NWD1: variants seen among roughly 807,000 people sequenced by gnomAD.
The protein encoded by NWD1 is NACHT domain- and WD repeat-containing protein 1.
In NWD1, 129 loss-of-function variants were observed where a neutral mutation model predicts 135.1. The observed-to-expected ratio is 0.96, with a 90% CI of 0.83 to 1.11. The LOEUF (loss-of-function observed/expected upper bound fraction) is 1.11. Among genes scored for constraint, NWD1 ranks in the 50% least tolerant of loss-of-function variants. The pLI is 0.00. For synonymous variants in NWD1, 773 were observed against 786.0 expected, an observed-to-expected ratio of 0.98 and a Z score of 0.28; for missense variants, 1,740 against 1,851.3, an observed-to-expected ratio of 0.94 and a Z score of 1.10.
At chr19:16,769,161 C>T (rs1969327742) in intron 10 of NWD1, among the ~76,000 whole-genome samples, 1 of 151,900 alleles carries the variant, frequency 6.6e-6, no homozygotes. Context: ...GGGAAAATTG[C>T]CTTATAAAAC....
intron 11 of NWD1, among the ~76,000 whole-genome samples, chr19:16,776,224 T>A (rs1045325436): frequency 6.6e-6 from 1 of 152,100 alleles, no homozygotes; most frequent in Non-Finnish European, 1.5e-5. Context: ...TCTAGTTCTG[T>A]TAAAGTTGAG....
intron 7 of NWD1, among the ~76,000 whole-genome samples, chr19:16,759,694 T>G (rs182057655): frequency 2.1e-3 from 315 of 152,178 alleles, no homozygotes; most frequent in African/African-American, 6.7e-3. Context: ...CTGGGCAACG[T>G]AGCGAGGCCC....
chr19:16,766,811 C>G (rs1181824663), intron 10 of NWD1, among the ~76,000 whole-genome samples: 2 of 152,094 alleles, frequency 1.3e-5, no homozygotes, highest in Middle Eastern at 3.2e-3. Context: ...GTCTTGAACT[C>G]CTGGACTCAA....
At chr19:16,732,654 C>CAAAAAAAAAAAAAAAAAAAAAAAA (rs759471981) in intron 3 of NWD1, among the ~76,000 whole-genome samples, 1 of 30,310 alleles carries the variant, frequency 3.3e-5, no homozygotes, top group Non-Finnish European at 5.8e-5. Flanking sequence ...GACTTCATCT[C>CAAAAAAAAAAAAAAAAAAAAAAAA]AAAAAAAAAA....
intron 5 of NWD1, among the ~76,000 whole-genome samples, chr19:16,747,124 C>T (rs1272252388): frequency 6.7e-6 from 1 of 150,248 alleles, no homozygotes; most frequent in African/African-American, 2.5e-5. Context: ...CCAACCTCTG[C>T]TTCCCAGGTT....
Position 16,765,207 on chromosome 19 carries a change from C to G in NWD1, c.2410+15C>G. 6.2e-7 allele frequency: 1 copy of G among 1,613,312 alleles called. No homozygotes were observed. On this transcript the variant is annotated intron_variant, in intron 10 of 18. Transcript: ENST00000524140. ...CCGAGGCATGGGTGAGTCCAGATGG[C>G]CTGGATAGGAGTGACCAGGACGGGC...
intron 12 of NWD1, among the ~76,000 whole-genome samples, chr19:16,782,093 CA>C (rs753198049): frequency 2.4e-3 from 143 of 58,752 alleles, no homozygotes; most frequent in African/African-American, 4.0e-3. Context: ...GACTCTGTCT[CA>C]AAAAAAAAAA....
At chr19:16,803,946 A>C (rs912794075) in intron 17 of NWD1, among the ~76,000 whole-genome samples, 11 of 151,856 alleles carry the variant, frequency 7.2e-5, no homozygotes, top group African/African-American at 2.2e-4. Flanking sequence ...AAGAAAAAGA[A>C]AGTAGCTGGT....
Position 16,791,196 on chromosome 19 carries a change from T to C in NWD1, c.2941-154T>C, listed in dbSNP as rs966920946. ...CTGCAGTGAGCCATGATTGCACCAC[T>C]GCACTCCAGCCTGGGTGAAAAAGAG... On this transcript the variant is annotated intron_variant, in intron 13 of 18. Coordinates refer to ENST00000524140, the MANE Select transcript of NWD1 (RefSeq NM_001007525.5). 2.6e-5 allele frequency among the ~76,000 whole-genome samples: 4 copies of C among 152,130 alleles called. No homozygotes were observed. In the East Asian group the frequency reaches 5.8e-4, roughly 22 times the overall value.
chr19:16,798,159 G>A lies in NWD1; in HGVS notation c.3459+273G>A, dbSNP rs115460904. Among the ~76,000 whole-genome samples the A allele has an allele frequency of 7.2e-5, 11 of 152,186 alleles. No individual in the cohort carries two copies. The East Asian group carries it at 1.7e-3, about 24-fold the overall frequency. Reference sequence around the variant, plus strand: ...TGCCTTCAGAGTGGAGCAGGGTTGTGGGGGAGGAAAATTCTCAATTTAAGT... The same window carrying A: ...TGCCTTCAGAGTGGAGCAGGGTTGTAGGGGAGGAAAATTCTCAATTTAAGT... On this transcript the variant is annotated intron_variant, in intron 16 of 18. Coordinates refer to ENST00000524140, the MANE Select transcript of NWD1 (RefSeq NM_001007525.5).
At chr19:16,779,575 C>A in intron 12 of NWD1, 110 bp downstream of exon 12, 1 of 983,104 alleles carries the variant, frequency 1.0e-6, no homozygotes, top group Non-Finnish European at 1.6e-6. Flanking sequence ...GGCCTTTGTT[C>A]CTGCATCACT....
chr19:16,762,337 C>T (rs1969054776), intron 8 of NWD1, among the ~76,000 whole-genome samples, 199 bp downstream of exon 8: 1 of 135,478 alleles, frequency 7.4e-6, no homozygotes, highest in African/African-American at 2.8e-5. Context: ...TACTCTGTCG[C>T]CCAGGCTGGA....
intron 5 of NWD1, among the ~76,000 whole-genome samples, chr19:16,745,644 G>A (rs1968281119): frequency 6.6e-6 from 1 of 151,774 alleles, no homozygotes. Context: ...GGAGGCTGAG[G>A]CAGGAGGATT....
chr19:16,798,006 T>C, intron 16 of NWD1, 120 bp downstream of exon 16: 1 of 876,396 alleles, frequency 1.1e-6, no homozygotes, highest in Non-Finnish European at 1.8e-6. Flanking sequence ...GCAAAATAGG[T>C]GAGTTCATTG....
intron 15 of NWD1, among the ~76,000 whole-genome samples, chr19:16,797,497 A>G (rs148080078): frequency 3.3e-5 from 5 of 151,812 alleles, no homozygotes; most frequent in African/African-American, 1.2e-4. Context: ...CACCTGGCTA[A>G]TTTTTGTATT....
At chr19:16,737,708 T>A (rs1466979657) in intron 4 of NWD1, among the ~76,000 whole-genome samples, 1 of 151,342 alleles carries the variant, frequency 6.6e-6, no homozygotes, top group African/African-American at 2.4e-5. Context: ...GCGTGGTGGC[T>A]CACACCTGTA....
At chr19:16,786,205 C>T (rs1479525249) in intron 12 of NWD1, among the ~76,000 whole-genome samples, 1 of 151,616 alleles carries the variant, frequency 6.6e-6, no homozygotes, top group Admixed American at 6.6e-5. Flanking sequence ...GACAGGGACT[C>T]ACTATGTTGC....
intron 12 of NWD1, among the ~76,000 whole-genome samples, chr19:16,780,817 C>T (rs963674189): frequency 6.6e-6 from 1 of 152,058 alleles, no homozygotes; most frequent in African/African-American, 2.4e-5. Flanking sequence ...ACCACCACAC[C>T]TGGCTGATTT....
intron 4 of NWD1, among the ~76,000 whole-genome samples, chr19:16,738,848 A>G (rs1214960915): frequency 6.9e-6 from 1 of 144,004 alleles, no homozygotes; most frequent in Admixed American, 7.3e-5. Context: ...TATATTATAT[A>G]TAATACATTA....
Sources: allele counts gnomAD v4.1 joint callset (sites outside exome capture counted in the v4.1 genomes callset), GRCh38; gene constraint gnomAD v4.1.1; transcripts MANE v1.5; gene names NCBI Gene and HGNC (gene_info 2026-07-23, HGNC 2026-07-21).